Variants in RYR2 observed in about 807,000 individuals in gnomAD.
The protein encoded by RYR2 is cardiac muscle ryanodine receptor-calcium release channel.
In RYR2, 227 loss-of-function variants were observed where a neutral mutation model predicts 601.1. That is an observed-to-expected ratio of 0.38 (90% CI 0.34 to 0.42). The LOEUF is 0.42. Ranked by LOEUF, RYR2 falls within the 10% of genes least tolerant of loss-of-function variation. The pLI, the probability that RYR2 is intolerant of heterozygous loss-of-function variation, is 1.00. For missense variants in RYR2, 4,646 were observed against 6,156.5 expected, an observed-to-expected ratio of 0.75 and a Z score of 8.21; for synonymous variants, 2,223 against 2,175.1, an observed-to-expected ratio of 1.02 and a Z score of -0.61.
chr1:237,532,953 A>G (rs904277686), intron 25 of RYR2, among the ~76,000 whole-genome samples: 7 of 152,206 alleles, frequency 4.6e-5, no homozygotes, highest in Non-Finnish European at 1.0e-4. Context: ...CTCAATTCCA[A>G]TTTCTAACTT....
At chr1:237,595,969 G>A (rs1675853469) in intron 34 of RYR2, among the ~76,000 whole-genome samples, 1 of 151,986 alleles carries the variant, frequency 6.6e-6, no homozygotes, top group South Asian at 2.1e-4. Flanking sequence ...AATCTGCACA[G>A]ATACTACACT....
intron 64 of RYR2, among the ~76,000 whole-genome samples, chr1:237,699,556 C>T (rs1365358460): frequency 6.6e-6 from 1 of 152,154 alleles, no homozygotes. Context: ...ATGATTGATT[C>T]AGCCATACAT....
chr1:237,331,564 G>A (rs1021143540), intron 3 of RYR2, among the ~76,000 whole-genome samples: 25 of 151,552 alleles, frequency 1.6e-4, no homozygotes, highest in African/African-American at 4.9e-4. Context: ...GTGCAGTGGC[G>A]CGATCTCAGC....
At chr1:237,346,135 G>T (rs1191967205) in intron 3 of RYR2, among the ~76,000 whole-genome samples, 1 of 152,030 alleles carries the variant, frequency 6.6e-6, no homozygotes, top group African/African-American at 2.4e-5. Flanking sequence ...GGAGGCTGAG[G>T]TGGGCAGATC....
At chr1:237,328,662 T>C (rs985380676) in intron 2 of RYR2, among the ~76,000 whole-genome samples, 1 of 151,952 alleles carries the variant, frequency 6.6e-6, no homozygotes, top group African/African-American at 2.4e-5. Flanking sequence ...GTGGTCTGAG[T>C]AAGCTTTGTG....
At chr1:237,220,972 C>T (rs563404410) in intron 1 of RYR2, among the ~76,000 whole-genome samples, 19 of 151,886 alleles carry the variant, frequency 1.3e-4, no homozygotes, top group Middle Eastern at 3.4e-3. Flanking sequence ...GGTGGGTGCC[C>T]GTAATCCCAG....
Position 237,832,532 on chromosome 1 carries a change from C to T in RYR2, c.14809-20C>T, listed in dbSNP as rs141119268. The T allele has an allele frequency of 1.8e-3, 2,716 of 1,531,940 alleles. 65 individuals are homozygous for T. The South Asian group carries it at 0.027, about 15-fold the overall frequency. 94.9% of individuals were successfully genotyped at this position (1,531,940 alleles called of 1,614,324 possible). A position where few individuals can be genotyped will look rare whatever the true frequency, so the allele number is the denominator to read the frequency against. The stretch of plus-strand genomic sequence containing the variant: ...ACACACTTTGGGGAAAATGTTAATA[C>T]ATTTCCTTGACTTTTGCAGGAATCT... On this transcript the variant is annotated intron_variant, in intron 104 of 104. Coordinates refer to ENST00000366574, the MANE Select transcript of RYR2 (RefSeq NM_001035.3).
chr1:237,089,234 C>T lies in RYR2; in HGVS notation c.48+46665C>T, dbSNP rs2385579. Among the ~76,000 whole-genome samples the T allele has an allele frequency of 9.6e-3, 1,467 of 152,330 alleles. 26 individuals are homozygous for T. The highest frequency in any genetic ancestry group is 0.034 in the African/African-American group (1,396 of 41,564). Reference sequence around the variant, plus strand: ...GGAGTTCAGATTAATTTTTCTTACACATAAATGAAGAAAGCTAATATCTAG... The same window carrying T: ...GGAGTTCAGATTAATTTTTCTTACATATAAATGAAGAAAGCTAATATCTAG... On this transcript the variant is annotated intron_variant, in intron 1 of 104. Transcript: ENST00000366574.
chr1:237,584,653 T>TTTGTTTTG (rs1360761501), intron 29 of RYR2, among the ~76,000 whole-genome samples: 1 of 132,486 alleles, frequency 7.5e-6, no homozygotes, highest in Non-Finnish European at 1.6e-5. Context: ...CCACCTGTTT[T>TTTGTTTTG]TTTTTTTTTT....
chr1:237,370,901 C>A (rs1700588780), intron 6 of RYR2, among the ~76,000 whole-genome samples: 1 of 152,156 alleles, frequency 6.6e-6, no homozygotes, highest in Admixed American at 6.6e-5. Flanking sequence ...ACCTGGTGAT[C>A]CGCCTGCCTC....
At chr1:237,253,159 G>A (rs965902032) in intron 1 of RYR2, among the ~76,000 whole-genome samples, 4 of 53,530 alleles carry the variant, frequency 7.5e-5, no homozygotes, top group Non-Finnish European at 9.2e-5. Context: ...GCGAGACTCC[G>A]TCTCAAAAAA....
chr1:237,596,166 A>G (rs1675872869), intron 34 of RYR2, among the ~76,000 whole-genome samples: 1 of 152,182 alleles, frequency 6.6e-6, no homozygotes, highest in African/African-American at 2.4e-5. Flanking sequence ...GACTCCTCCA[A>G]AGGAACACAA....
intron 2 of RYR2, among the ~76,000 whole-genome samples, chr1:237,313,641 CT>C (rs1211989797): frequency 2.6e-5 from 4 of 152,238 alleles, no homozygotes; most frequent in African/African-American, 9.6e-5. Context: ...ATGTCTAGAA[CT>C]GTTAGAGAAA....
chr1:237,166,647 T>C (rs1676747032), intron 1 of RYR2, among the ~76,000 whole-genome samples: 1 of 152,232 alleles, frequency 6.6e-6, no homozygotes, highest in Non-Finnish European at 1.5e-5. Flanking sequence ...AGTCATGTAA[T>C]GAGTATTTAA....
chr1:237,631,922 C>A (rs190374210), intron 42 of RYR2, among the ~76,000 whole-genome samples: 7 of 151,838 alleles, frequency 4.6e-5, no homozygotes, highest in Admixed American at 1.3e-4. Context: ...CGTGAGCCAC[C>A]GCGCCCAGCC....
At chr1:237,107,991 T>C (rs16834839) in intron 1 of RYR2, among the ~76,000 whole-genome samples, 25,714 of 152,186 alleles carry the variant, frequency 0.17, 3,536 homozygotes, top group African/African-American at 0.38. Flanking sequence ...GGTCCTGAGC[T>C]CACGGTTTCT....
At position 237,565,157 on chromosome 1, in the gene RYR2, C is replaced by CTCTTTCTT. The variant is rs771045857; in HGVS notation, c.3215-1348_3215-1341dup. ...TTTCTTTCTTTTTCTTTCTTTCTTT[C>CTCTTTCTT]TCTTTCTTTCTTTCTTTCTTTCTTT... On this transcript the variant is annotated intron_variant, in intron 27 of 104. Coordinates refer to ENST00000366574, the MANE Select transcript of RYR2 (RefSeq NM_001035.3). Among the ~76,000 whole-genome samples the CTCTTTCTT allele has an allele frequency of 5.5e-3, 290 of 52,880 alleles. 2 individuals carry two copies. The highest frequency in any genetic ancestry group is 0.01 in the Admixed American group (49 of 4,674). 34.7% of individuals were successfully genotyped at this position (52,880 alleles called of 152,430 possible). A position where few individuals can be genotyped will look rare whatever the true frequency, so the allele number is the denominator to read the frequency against.
chr1:237,241,351 G>A (rs1480837340), intron 1 of RYR2, among the ~76,000 whole-genome samples: 2 of 152,152 alleles, frequency 1.3e-5, no homozygotes, highest in African/African-American at 4.8e-5. Context: ...GAAGCCAATG[G>A]GCAACAGTTT....
intron 1 of RYR2, among the ~76,000 whole-genome samples, chr1:237,170,077 G>A (rs1110246): frequency 0.34 from 52,318 of 151,726 alleles, 9,102 homozygotes; most frequent in East Asian, 0.51. Flanking sequence ...TCTGGCAATA[G>A]AATAAGCAAA....
Sources: gnomAD v4.1 joint callset for allele counts (sites outside exome capture counted in the v4.1 genomes callset) on GRCh38, gnomAD v4.1.1 for gene constraint, MANE v1.5 for transcripts, NCBI Gene and HGNC (gene_info 2026-07-23, HGNC 2026-07-21) for gene names.